ITGA1: variants seen among roughly 807,000 people sequenced by gnomAD.
ITGA1 encodes the protein integrin alpha-1.
In ITGA1, 85 loss-of-function variants were observed where a neutral mutation model predicts 145.9. The observed-to-expected ratio is 0.58, with a 90% confidence interval of 0.49 to 0.70. The LOEUF is 0.70. Among genes scored for constraint, ITGA1 ranks in the 30% least tolerant of loss-of-function variants. ITGA1 has a pLI of 0.00. For missense variants in ITGA1, 1,351 were observed against 1,418.7 expected (o/e 0.95, Z 0.77); for synonymous variants, 520 against 495.3 (o/e 1.05, Z -0.66).
chr5:52,916,103 G>T (rs1175593360), intron 15 of ITGA1, among the ~76,000 whole-genome samples: 2 of 152,046 alleles, frequency 1.3e-5, no homozygotes, highest in African/African-American at 4.8e-5. Flanking sequence ...AGTTCTTTCA[G>T]ATACATACAT....
chr5:52,890,576 T>C (rs150198463), intron 8 of ITGA1, among the ~76,000 whole-genome samples: 1 of 152,324 alleles, frequency 6.6e-6, no homozygotes, highest in East Asian at 1.9e-4. Flanking sequence ...CTTTCTTTTT[T>C]AAAATGTATC....
At position 52,920,408 on chromosome 5, in the gene ITGA1, G is replaced by T. The variant is rs878890827; in HGVS notation, c.2232G>T (p.Lys744Asn). The T allele has an allele frequency of 6.2e-6, 10 of 1,611,984 alleles. No individual in the cohort carries two copies. The highest frequency in any genetic ancestry group is 4.0e-5 in the African/African-American group (3 of 74,820). Residue 744 changes from lysine to asparagine, a missense_variant, in exon 17 of 29, where the codon AAG (lysine) becomes AAT (asparagine). Physicochemically the swap from Lys to Asn is moderately conservative, Grantham distance 94 (BLOSUM62 0). Transcript: ENST00000282588. ...TTTTCTCTGGAACTCAAGAGAGAAA[G>T]GTTCAAAGGAACATCACAGTTCGAA... ...RSFFSGTQER[K>N]VQRNITVRKS...
Position 52,857,748 on chromosome 5 carries a change from G to A in ITGA1, c.183-3699G>A, listed in dbSNP as rs1206727761. On this transcript the variant is annotated intron_variant, in intron 2 of 28. Coordinates refer to ENST00000282588, the MANE Select transcript of ITGA1 (RefSeq NM_181501.2). ...GCTCTTCTCACTATATTTCGAGGTG[G>A]TAATATTTACTTTTAGGGCCTCAAC... is the stretch of plus-strand genomic sequence containing the variant. Among the ~76,000 whole-genome samples the A allele has an allele frequency of 2.6e-5, 4 of 152,178 alleles. No individual in the cohort carries two copies. The South Asian group carries it at 8.3e-4, about 32-fold the overall frequency.
At chr5:52,854,435 C>G (rs1403443776) in intron 2 of ITGA1, among the ~76,000 whole-genome samples, 1 of 152,098 alleles carries the variant, frequency 6.6e-6, no homozygotes, top group Non-Finnish European at 1.5e-5. Context: ...CTTTGGCTCC[C>G]CTCATTTCCA....
chr5:52,815,510 T>C (rs1052821148), intron 1 of ITGA1, among the ~76,000 whole-genome samples: 10 of 152,192 alleles, frequency 6.6e-5, no homozygotes, highest in Non-Finnish European at 4.4e-5. Context: ...GCAGGAGAGA[T>C]CTTTGCCTGG....
At chr5:52,900,369 G>A (rs1270581047) in intron 11 of ITGA1, among the ~76,000 whole-genome samples, 1 of 152,096 alleles carries the variant, frequency 6.6e-6, no homozygotes, top group Non-Finnish European at 1.5e-5. Context: ...TGTGTTTACA[G>A]AGCTATAAAA....
intron 15 of ITGA1, among the ~76,000 whole-genome samples, chr5:52,917,795 A>G (rs1489516740): frequency 6.6e-6 from 1 of 152,234 alleles, no homozygotes; most frequent in East Asian, 1.9e-4. Context: ...GTGGTAGTAT[A>G]ACAAGTTATT....
At chr5:52,868,864 T>C (rs1055674769) in intron 6 of ITGA1, among the ~76,000 whole-genome samples, 3 of 152,168 alleles carry the variant, frequency 2.0e-5, no homozygotes, top group Non-Finnish European at 2.9e-5. Flanking sequence ...GCTTTCATCA[T>C]TGATTGTGGA....
intron 7 of ITGA1, among the ~76,000 whole-genome samples, chr5:52,887,218 C>A (rs74760907): frequency 0.025 from 3,819 of 152,216 alleles, 183 homozygotes; most frequent in African/African-American, 0.088. Flanking sequence ...GGACTCAGAG[C>A]ATCACCATCT....
chr5:52,956,294 A>C lies in ITGA1; in HGVS notation c.*3843A>C, dbSNP rs1751304006. On this transcript the variant is annotated 3_prime_UTR_variant, in exon 29 of 29. Transcript: ENST00000282588. ...TCACAACATTGAGAAACAGGCCCAG[A>C]GCCTGTCTCATGTGCCAGGTGCAGT... The C allele has an allele frequency of 6.6e-6, 1 of 152,250 alleles. No homozygotes were observed. Among genetic ancestry groups the C allele is most frequent in the African/African-American group, 2.4e-5 (1 of 41,460 alleles). 9.4% of individuals were successfully genotyped at this position (152,250 alleles called of 1,614,324 possible). A position where few individuals can be genotyped will look rare whatever the true frequency, so the allele number is the denominator to read the frequency against.
In ITGA1 at chr5:52,939,597, A is replaced by T. The variant is rs781564891; in HGVS notation, c.3086A>T (p.Asn1029Ile). 4 of 1,604,676 alleles carry T rather than the reference A, an allele frequency of 2.5e-6. No homozygotes were observed. Among genetic ancestry groups the T allele is most frequent in the Non-Finnish European group, 3.4e-6 (4 of 1,173,776 alleles). The change falls in exon 25 of 29, where the codon AAC becomes ATC. Residue 1029 changes from asparagine (N) to isoleucine (I), a missense_variant. Asn to Ile is a moderately radical substitution (Grantham distance 149). Coordinates refer to ENST00000282588, the MANE Select transcript of ITGA1 (RefSeq NM_181501.2). ...TAATATTTTCATTTCTAGAATGCAA[A>T]CTGCAGACCCCATATCTTTGAGGAT... The part of the protein sequence containing the change: ...PTGLSSSENA[N>I]CRPHIFEDPF...
At chr5:52,891,588 A>G (rs1750151063) in intron 8 of ITGA1, among the ~76,000 whole-genome samples, 1 of 150,836 alleles carries the variant, frequency 6.6e-6, no homozygotes, top group Non-Finnish European at 1.5e-5. Context: ...CAAAGTGATA[A>G]TCTTCAGGTA....
At chr5:52,860,603 A>T (rs1453780105) in intron 2 of ITGA1, among the ~76,000 whole-genome samples, 1 of 152,176 alleles carries the variant, frequency 6.6e-6, no homozygotes, top group Non-Finnish European at 1.5e-5. Flanking sequence ...ACACAATCCC[A>T]AGTACAAAAT....
At position 52,835,851 on chromosome 5, in the gene ITGA1, A is replaced by T. The variant is rs111678922; in HGVS notation, c.62-13514A>T. Among the ~76,000 whole-genome samples, 41 of 152,346 alleles carry T rather than the reference A, an allele frequency of 2.7e-4. No individual in the cohort carries two copies. The South Asian group carries it at 4.3e-3, about 16-fold the overall frequency. On this transcript the variant is annotated intron_variant, in intron 1 of 28. Coordinates refer to ENST00000282588, the MANE Select transcript of ITGA1 (RefSeq NM_181501.2). ...GGAATGGTGAGAAATGATTGATGTT[A>T]GAAAGCTTTCGAAAATTGCAATACA... is the stretch of plus-strand genomic sequence containing the variant.
chr5:52,864,118 T>A (rs1749648078), intron 3 of ITGA1: 1 of 152,264 alleles, frequency 6.6e-6, no homozygotes, highest in Non-Finnish European at 1.5e-5. Flanking sequence ...AGTCTTTTTT[T>A]CTTTTTTAGT....
intron 16 of ITGA1, among the ~76,000 whole-genome samples, chr5:52,919,269 C>T (rs867527127): frequency 6.6e-6 from 1 of 152,146 alleles, no homozygotes; most frequent in Non-Finnish European, 1.5e-5. Flanking sequence ...TACCATGACT[C>T]TTCTCTCCCT....
chr5:52,932,876 A>G (rs1052361848), intron 22 of ITGA1: 2 of 152,076 alleles, frequency 1.3e-5, no homozygotes, highest in African/African-American at 2.4e-5. Context: ...AAATACAACT[A>G]CTATCTCCAT....
chr5:52,877,319 G>A (rs991986081), intron 6 of ITGA1, among the ~76,000 whole-genome samples: 2 of 152,040 alleles, frequency 1.3e-5, no homozygotes, highest in Non-Finnish European at 2.9e-5. Flanking sequence ...CCATTGCCAT[G>A]GTCCAAGTTC....
chr5:52,812,594 G>A (rs779395338), intron 1 of ITGA1, among the ~76,000 whole-genome samples: 7 of 152,120 alleles, frequency 4.6e-5, no homozygotes, highest in Non-Finnish European at 7.3e-5. Flanking sequence ...TCTCCCACAG[G>A]TGAGCTCTGT....
Sources: gnomAD v4.1 joint callset for allele counts (sites outside exome capture counted in the v4.1 genomes callset) on GRCh38, gnomAD v4.1.1 for gene constraint, MANE v1.5 for transcripts, NCBI Gene and HGNC (gene_info 2026-07-23, HGNC 2026-07-21) for gene names.